Variants in HS6ST2 observed in about 807,000 individuals in gnomAD.
HS6ST2 encodes the protein heparan sulfate 6-O-sulfotransferase 2, also known as heparan-sulfate 6-O-sulfotransferase 2.
Under a neutral mutation model 33.0 loss-of-function variants are expected in HS6ST2, and 17 were observed. That is an observed-to-expected ratio of 0.52 (90% CI 0.35 to 0.77). The LOEUF (loss-of-function observed/expected upper bound fraction) is 0.77. HS6ST2 is among the 30% of genes least tolerant of loss of function. The probability of loss-of-function intolerance (pLI) is 0.01; values close to 1 mark genes in which losing one functional copy is unlikely to be tolerated. For synonymous variants in HS6ST2, 248 were observed against 237.1 expected (o/e 1.05, Z -0.42); for missense variants, 519 against 551.7 (o/e 0.94, Z 0.59).
chrX:132,825,875 G>A (rs185707833), intron 2 of HS6ST2, among the ~76,000 whole-genome samples: 1 of 111,827 alleles, frequency 8.9e-6, no homozygotes, highest in East Asian at 2.8e-4. Context: ...TCTACTCTCT[G>A]TGTCACAATG....
chrX:132,705,313 A>C (rs1471963838), intron 3 of HS6ST2, among the ~76,000 whole-genome samples: 2 of 110,944 alleles, frequency 1.8e-5, no homozygotes, highest in South Asian at 3.9e-4. Flanking sequence ...AATATGTGCA[A>C]AAGTGCCAGA....
At chrX:132,766,664 T>C (rs1206452118) in intron 2 of HS6ST2, among the ~76,000 whole-genome samples, 1 of 112,022 alleles carries the variant, frequency 8.9e-6, no homozygotes, top group Non-Finnish European at 1.9e-5. Flanking sequence ...ACAGGAAGCA[T>C]GGGTGTGAGG....
intron 1 of HS6ST2, among the ~76,000 whole-genome samples, chrX:132,957,960 G>C (rs1358947133): frequency 8.9e-6 from 1 of 112,002 alleles, no homozygotes; most frequent in Admixed American, 9.3e-5. Flanking sequence ...ACTTGCTATC[G>C]GAGACGCTGC....
At position 132,669,196 on chromosome X, in the gene HS6ST2, C is replaced by T; in HGVS notation, c.984G>A (p.Lys328=). Residue 328 remains lysine (K), a synonymous_variant, in exon 4 of 5, where the codon AAG becomes AAA. Coordinates refer to ENST00000370833, the MANE Select transcript of HS6ST2 (RefSeq NM_001394073.1). ...TAGTGTTTGGAGAACCCCGTTTATCCTTACTATACCCACAGAAAGAATAGA... is the reference window on the plus strand; with the variant it reads ...TAGTGTTTGGAGAACCCCGTTTATCTTTACTATACCCACAGAAAGAATAGA... The part of the protein sequence containing the change: ...RIFQILDAAS[K]DKRGSPNTNA... 1 of 1,202,019 alleles carries T rather than the reference C, an allele frequency of 8.3e-7. No individual in the cohort carries two copies. Among genetic ancestry groups the T allele is most frequent in the South Asian group, 1.8e-5 (1 of 55,526 alleles).
At chrX:132,878,855 G>A (rs1198414002) in intron 2 of HS6ST2, among the ~76,000 whole-genome samples, 1 of 110,777 alleles carries the variant, frequency 9.0e-6, no homozygotes, top group Non-Finnish European at 1.9e-5. Flanking sequence ...ACCACAAAAC[G>A]CTTCCCTGGC....
At chrX:132,686,569 G>A (rs2064017427) in intron 3 of HS6ST2, among the ~76,000 whole-genome samples, 1 of 111,652 alleles carries the variant, frequency 9.0e-6, no homozygotes, top group African/African-American at 3.3e-5. Context: ...CATCCAGATT[G>A]TTGAGAAGAG....
intron 2 of HS6ST2, among the ~76,000 whole-genome samples, chrX:132,866,185 T>G (rs1296369879): frequency 2.5e-4 from 28 of 111,529 alleles, no homozygotes; most frequent in African/African-American, 7.5e-4. Flanking sequence ...TCCAGTTTCA[T>G]CTTTCTACAT....
rs759386099 is a variant in HS6ST2, at chrX:132,766,136, A to G, written c.948-57642T>C. Among the ~76,000 whole-genome samples the G allele has an allele frequency of 4.6e-3, 512 of 112,272 alleles. 2 individuals are homozygous for G. Among genetic ancestry groups the G allele is most frequent in the Non-Finnish European group, 7.4e-3 (395 of 53,280 alleles). On this transcript the variant is annotated intron_variant, in intron 2 of 4. Transcript: ENST00000370833. ...GTATTTTCAACCAGACCCCAAGGTGAAACTAATTCAACTAATGTTTGAAAA... is the reference window on the plus strand; with the variant it reads ...GTATTTTCAACCAGACCCCAAGGTGGAACTAATTCAACTAATGTTTGAAAA...
At chrX:132,902,376 T>G (rs776427064) in intron 2 of HS6ST2, among the ~76,000 whole-genome samples, 1 of 112,480 alleles carries the variant, frequency 8.9e-6, no homozygotes, top group African/African-American at 3.2e-5. Context: ...GTGTTGGGAT[T>G]ACAGGCCTGA....
chrX:132,914,415 C>T lies in HS6ST2; in HGVS notation c.947+42393G>A, dbSNP rs1165138209. Reference sequence around the variant, plus strand: ...AATCATGTAACTTCTGGCTCTGAAGCCTGTCTGTGTGCAGAATTAAGGGTA... The same window carrying T: ...AATCATGTAACTTCTGGCTCTGAAGTCTGTCTGTGTGCAGAATTAAGGGTA... On this transcript the variant is annotated intron_variant, in intron 2 of 4. Transcript: ENST00000370833. Among the ~76,000 whole-genome samples the T allele has an allele frequency of 3.0e-4, 34 of 112,602 alleles. 1 individual carries two copies. The Admixed American group carries it at 3.2e-3, about 11-fold the overall frequency.
chrX:132,841,807 A>G (rs1351738252), intron 2 of HS6ST2, among the ~76,000 whole-genome samples: 2 of 112,041 alleles, frequency 1.8e-5, no homozygotes, highest in Non-Finnish European at 3.8e-5. Flanking sequence ...TTAGTCAATT[A>G]TTTTTATAAT....
intron 2 of HS6ST2, among the ~76,000 whole-genome samples, chrX:132,729,768 TCA>T (rs771784815): frequency 2.1e-4 from 24 of 112,034 alleles, no homozygotes; most frequent in Non-Finnish European, 3.6e-4. Flanking sequence ...TGAAAATTTC[TCA>T]GTTTTAAATT....
chrX:132,793,351 C>T (rs191286716), intron 2 of HS6ST2, among the ~76,000 whole-genome samples: 27 of 110,596 alleles, frequency 2.4e-4, no homozygotes, highest in African/African-American at 8.2e-4. Flanking sequence ...TGAGCCACTG[C>T]GCCCAGCCCA....
intron 4 of HS6ST2, among the ~76,000 whole-genome samples, chrX:132,659,679 A>G: frequency 9.0e-6 from 1 of 111,705 alleles, no homozygotes; most frequent in Non-Finnish European, 1.9e-5. Flanking sequence ...GAAGGGGTAG[A>G]TGAACTTAGC....
chrX:132,826,565 A>G (rs1433001958), intron 2 of HS6ST2, among the ~76,000 whole-genome samples: 2 of 110,371 alleles, frequency 1.8e-5, no homozygotes, highest in African/African-American at 6.5e-5. Context: ...ACATTTTTAA[A>G]TTGACTACTA....
At chrX:132,752,340 C>T (rs1272300142) in intron 2 of HS6ST2, among the ~76,000 whole-genome samples, 1 of 109,818 alleles carries the variant, frequency 9.1e-6, no homozygotes, top group Non-Finnish European at 1.9e-5. Flanking sequence ...GGTGTGGTGG[C>T]GCACATCTGT....
intron 4 of HS6ST2, among the ~76,000 whole-genome samples, chrX:132,637,505 T>A (rs1277556584): frequency 9.3e-6 from 1 of 108,080 alleles, no homozygotes; most frequent in East Asian, 2.9e-4. Flanking sequence ...ACATTTACTT[T>A]CCTTTGAGGC....
At position 132,740,109 on chromosome X, in the gene HS6ST2, C is replaced by T. The variant is rs192668081; in HGVS notation, c.948-31615G>A. Reference sequence around the variant, plus strand: ...CATAAAGGCTGAGTAATTTATGACTCCCAGCAGTAGTGTAGAAAAACAACC... The same window carrying T: ...CATAAAGGCTGAGTAATTTATGACTTCCAGCAGTAGTGTAGAAAAACAACC... On this transcript the variant is annotated intron_variant, in intron 2 of 4. Transcript: ENST00000370833. Among the ~76,000 whole-genome samples the T allele has an allele frequency of 5.2e-3, 582 of 111,793 alleles. 2 individuals carry two copies. Among genetic ancestry groups the T allele is most frequent in the Admixed American group, 0.032 (333 of 10,486 alleles).
chrX:132,701,517 C>T lies in HS6ST2; in HGVS notation c.980+6945G>A, dbSNP rs775773634. ...GAGTGATAAGTGGAATAGTAAGTGA[C>T]GACACAGAAGTTTTAAAGAAGGGAG... On this transcript the variant is annotated intron_variant, in intron 3 of 4. Transcript: ENST00000370833. Among the ~76,000 whole-genome samples, 98 of 111,998 alleles carry T rather than the reference C, an allele frequency of 8.8e-4. 1 individual carries two copies. The highest frequency in any genetic ancestry group is 3.0e-3 in the African/African-American group (92 of 30,867).
Sources: allele counts gnomAD v4.1 joint callset (sites outside exome capture counted in the v4.1 genomes callset), GRCh38; gene constraint gnomAD v4.1.1; transcripts MANE v1.5; gene names NCBI Gene and HGNC (gene_info 2026-07-23, HGNC 2026-07-21).